The following BAZ2B variants were observed in gnomAD, a reference collection of about 807,000 sequenced individuals.
BAZ2B encodes bromodomain adjacent to zinc finger domain protein 2B.
Under a neutral mutation model 246.0 loss-of-function variants are expected in BAZ2B, and 91 were observed. The observed-to-expected ratio is 0.37, with a 90% CI of 0.31 to 0.44. BAZ2B has a LOEUF of 0.44. Ranked by LOEUF, BAZ2B falls within the 20% of genes least tolerant of loss-of-function variation. BAZ2B has a pLI of 1.00. For missense variants in BAZ2B, 2,332 were observed against 2,533.7 expected (o/e 0.92, Z 1.71); for synonymous variants, 855 against 860.0 (o/e 0.99, Z 0.10).
intron 1 of BAZ2B, among the ~76,000 whole-genome samples, chr2:159,600,122 T>C (rs1480740172): frequency 1.3e-5 from 2 of 152,076 alleles, no homozygotes; most frequent in Admixed American, 6.6e-5. Context: ...AAAGTTAATT[T>C]TGTAGCTTTA....
In BAZ2B at chr2:159,348,995, C is replaced by A; in HGVS notation, c.5137+12G>T. 1 of 1,612,434 alleles carries A rather than the reference C, an allele frequency of 6.2e-7. No individual in the cohort carries two copies. Among genetic ancestry groups the A allele is most frequent in the South Asian group, 1.1e-5 (1 of 90,984 alleles). On this transcript the variant is annotated intron_variant, in intron 29 of 36. Coordinates refer to ENST00000392783, the MANE Select transcript of BAZ2B (RefSeq NM_013450.4). ...TTGAGTAAGTGGCTGTAAACCATCT[C>A]AATGTACCTACCTTCTGGAATAGGT...
chr2:159,524,188 C>T (rs936986491), intron 2 of BAZ2B, among the ~76,000 whole-genome samples: 3 of 151,966 alleles, frequency 2.0e-5, no homozygotes, highest in Non-Finnish European at 2.9e-5. Flanking sequence ...GGGAGACCAA[C>T]GTGGGAGGAT....
the BAZ2B span, among the ~76,000 whole-genome samples, chr2:159,709,958 A>G: frequency 6.7e-6 from 1 of 150,096 alleles, no homozygotes; most frequent in Non-Finnish European, 1.5e-5. Flanking sequence ...GGTGAGGGCA[A>G]GTGGTGAACA....
At chr2:159,435,219 C>G (rs942694999) in intron 8 of BAZ2B, 4 of 151,798 alleles carry the variant, frequency 2.6e-5, no homozygotes, top group African/African-American at 9.7e-5. Context: ...TTTTTTTGGA[C>G]TCTGTCACCC....
In BAZ2B at chr2:159,423,189, G is replaced by A. The variant is rs573481998; in HGVS notation, c.2466+4752C>T. ...AAATTAGCTGGGCGCGGTGGCAGGCGTCTGTAGTCCCAGCTACTCAGGAGG... is the reference window on the plus strand; with the variant it reads ...AAATTAGCTGGGCGCGGTGGCAGGCATCTGTAGTCCCAGCTACTCAGGAGG... On this transcript the variant is annotated intron_variant, in intron 13 of 36. Coordinates refer to ENST00000392783, the MANE Select transcript of BAZ2B (RefSeq NM_013450.4). Among the ~76,000 whole-genome samples the A allele has an allele frequency of 6.6e-4, 101 of 152,118 alleles. 1 individual carries two copies. The highest frequency in any genetic ancestry group is 2.2e-3 in the African/African-American group (90 of 41,496).
chr2:159,590,916 A>C (rs1234120726), intron 1 of BAZ2B, among the ~76,000 whole-genome samples: 2 of 152,220 alleles, frequency 1.3e-5, no homozygotes, highest in African/African-American at 4.8e-5. Context: ...TTTACATTTA[A>C]AATTTTTATT....
chr2:159,464,702 G>A (rs372613676), intron 3 of BAZ2B: 12 of 152,248 alleles, frequency 7.9e-5, no homozygotes, highest in African/African-American at 2.6e-4. Context: ...CCAATACTCA[G>A]GCAAATGACT....
chr2:159,398,688 C>T (rs2064453767), intron 18 of BAZ2B, 141 bp downstream of exon 18: 5 of 683,710 alleles, frequency 7.3e-6, no homozygotes, highest in Middle Eastern at 3.9e-4. Context: ...TAAAAACATA[C>T]ACTATACACA....
chr2:159,320,001 C>A lies in BAZ2B; in HGVS notation c.*264G>T. ...TTAATTGCTATTGCACTATAACACC[C>A]TTTCCTTTGAAAATTCTTTGGGTGT... is the stretch of plus-strand genomic sequence containing the variant. On this transcript the variant is annotated 3_prime_UTR_variant, in exon 37 of 37. Coordinates refer to ENST00000392783, the MANE Select transcript of BAZ2B (RefSeq NM_013450.4). 1 of 278,472 alleles carries A rather than the reference C, an allele frequency of 3.6e-6. No homozygotes were observed. Among genetic ancestry groups the A allele is most frequent in the Non-Finnish European group, 6.6e-6 (1 of 151,952 alleles). 17.3% of individuals were successfully genotyped at this position (278,472 alleles called of 1,614,324 possible).
the BAZ2B span, among the ~76,000 whole-genome samples, chr2:159,705,653 T>C: frequency 2.0e-5 from 3 of 152,204 alleles, no homozygotes; most frequent in African/African-American, 7.2e-5. Flanking sequence ...TATTATCTTA[T>C]TCCATATACA....
rs559111429 is a variant in BAZ2B, at chr2:159,612,643, T to C, written c.-46+3599A>G. On this transcript the variant is annotated intron_variant, in intron 1 of 36. Coordinates refer to ENST00000392783, the MANE Select transcript of BAZ2B (RefSeq NM_013450.4). ...CATGCAACTGTGATATCCTACATCT[T>C]GTATAGTAACACAAAAGTAGCAACA... Among the ~76,000 whole-genome samples the C allele has an allele frequency of 5.9e-5, 9 of 152,278 alleles. No homozygotes were observed. In the East Asian group the frequency reaches 1.5e-3, roughly 26 times the overall value.
At chr2:159,582,191 G>A (rs1362824633) in intron 1 of BAZ2B, among the ~76,000 whole-genome samples, 1 of 152,104 alleles carries the variant, frequency 6.6e-6, no homozygotes, top group South Asian at 2.1e-4. Flanking sequence ...TATTTAATTA[G>A]ATTTTAAAAA....
chr2:159,476,671 C>T (rs1202690647), intron 3 of BAZ2B, among the ~76,000 whole-genome samples: 6 of 152,120 alleles, frequency 3.9e-5, no homozygotes, highest in Non-Finnish European at 8.8e-5. Context: ...TAAGAAAAGA[C>T]ATTTCTTTAG....
chr2:159,450,698 A>G (rs13412575), intron 4 of BAZ2B, among the ~76,000 whole-genome samples: 13,758 of 152,168 alleles, frequency 0.09, 809 homozygotes, highest in Middle Eastern at 0.18. Context: ...TAAATTTCTA[A>G]GTATATTCAA....
At chr2:159,490,954 G>A (rs2080388064) in intron 2 of BAZ2B, among the ~76,000 whole-genome samples, 1 of 152,132 alleles carries the variant, frequency 6.6e-6, no homozygotes, top group African/African-American at 2.4e-5. Flanking sequence ...GACATTACTG[G>A]TCTTGTCTAG....
chr2:159,679,294 A>AG, the BAZ2B span, among the ~76,000 whole-genome samples: 2 of 150,142 alleles, frequency 1.3e-5, no homozygotes, highest in Admixed American at 1.3e-4. Context: ...AAAAAAAAAA[A>AG]GATGTTGAAT....
At chr2:159,601,480 C>CG (rs1283577469) in intron 1 of BAZ2B, among the ~76,000 whole-genome samples, 1 of 150,840 alleles carries the variant, frequency 6.6e-6, no homozygotes, top group African/African-American at 2.4e-5. Flanking sequence ...CCCAGCACTT[C>CG]GGGAGGCCGA....
At chr2:159,462,726 A>C (rs2150628538) in intron 3 of BAZ2B, 5 of 1,414,982 alleles carry the variant, frequency 3.5e-6, no homozygotes, top group South Asian at 1.2e-5. Flanking sequence ...GTAAACTTCC[A>C]CTCTGATCTC....
At chr2:159,391,557 A>G (rs1250514575) in intron 20 of BAZ2B, among the ~76,000 whole-genome samples, 2 of 152,138 alleles carry the variant, frequency 1.3e-5, no homozygotes, top group African/African-American at 4.8e-5. Context: ...GAGAAAATCC[A>G]TGTGACACTG....
Sources: allele counts gnomAD v4.1 joint callset (sites outside exome capture counted in the v4.1 genomes callset), GRCh38; gene constraint gnomAD v4.1.1; transcripts MANE v1.5; gene names NCBI Gene and HGNC (gene_info 2026-07-23, HGNC 2026-07-21).